The following PPFIBP2 variants were observed in gnomAD, a reference collection of about 807,000 sequenced individuals.
PPFIBP2 encodes the protein PPFIB scaffold protein 2.
In PPFIBP2, 118 loss-of-function variants were observed where a neutral mutation model predicts 118.3. The observed-to-expected ratio is 1.00, with a 90% CI of 0.86 to 1.16. PPFIBP2 has a LOEUF of 1.16. PPFIBP2 is among the 50% of genes most tolerant of loss of function. PPFIBP2 has a pLI of 0.00. For missense variants in PPFIBP2, 1,195 were observed against 1,073.1 expected, an observed-to-expected ratio of 1.11 and a Z score of -1.59; for synonymous variants, 414 against 397.4, an observed-to-expected ratio of 1.04 and a Z score of -0.50.
At chr11:7,584,894 G>A (rs4758201) in intron 3 of PPFIBP2, among the ~76,000 whole-genome samples, 14,681 of 152,204 alleles carry the variant, frequency 0.096, 927 homozygotes, top group East Asian at 0.17. Context: ...TGGTTCACTT[G>A]TAACTAGTTT....
At chr11:7,657,243 C>T (rs1425091324), downstream of PPFIBP2, 1 of 167,200 alleles carries the variant, frequency 6.0e-6, no homozygotes, top group African/African-American at 2.4e-5. Flanking sequence ...AAATGGTCAC[C>T]AGGAGGTCCC....
intron 17 of PPFIBP2, among the ~76,000 whole-genome samples, chr11:7,644,952 G>A (rs1045414333): frequency 4.5e-4 from 63 of 140,372 alleles, no homozygotes; most frequent in Non-Finnish European, 9.1e-5. Context: ...GCGTGAACCC[G>A]GGAGGCGGAG....
Position 7,651,675 on chromosome 11 carries a change from C to A in PPFIBP2, c.2267C>A (p.Thr756Asn). The change falls in exon 23 of 24, where the codon ACT becomes AAT. Residue 756 changes from threonine (T) to asparagine (N), a missense_variant. By Grantham distance (65) the Thr-to-Asn change is moderately conservative. Transcript: ENST00000299492. ...TCTTAGATCCTGGAGCCACGCTTCACTGGGGACACCCTGGCTATGCTTCTC... is the reference window on the plus strand; with the variant it reads ...TCTTAGATCCTGGAGCCACGCTTCAATGGGGACACCCTGGCTATGCTTCTC... Reference protein sequence around the residue: ...GGLIILEPRFTGDTLAMLLNI... With the variant: ...GGLIILEPRFNGDTLAMLLNI... 2.5e-6 allele frequency: 4 copies of A among 1,611,232 alleles called. No individual in the cohort carries two copies. The highest frequency in any genetic ancestry group is 3.4e-6 in the Non-Finnish European group (4 of 1,177,816).
At chr11:7,620,852 A>G in intron 6 of PPFIBP2, 83 bp from the exon 7 acceptor site, 5 of 941,976 alleles carry the variant, frequency 5.3e-6, no homozygotes, top group South Asian at 2.7e-5. Context: ...GCTGCACCCC[A>G]TATGCATGAG....
chr11:7,649,679 C>T, intron 21 of PPFIBP2, 25 bp downstream of exon 21: 1 of 1,613,646 alleles, frequency 6.2e-7, no homozygotes, highest in African/African-American at 1.3e-5. Flanking sequence ...AGTATCTCTC[C>T]AGGTAGCCCT....
chr11:7,626,482 A>T (rs540185878), intron 8 of PPFIBP2, among the ~76,000 whole-genome samples: 6 of 152,166 alleles, frequency 3.9e-5, no homozygotes, highest in African/African-American at 1.4e-4. Flanking sequence ...ATTATAACTT[A>T]CCAGTGTTGT....
At chr11:7,606,998 C>T (rs1847443586) in intron 5 of PPFIBP2, among the ~76,000 whole-genome samples, 1 of 138,674 alleles carries the variant, frequency 7.2e-6, no homozygotes, top group African/African-American at 2.7e-5. Context: ...GCAAGCTCTG[C>T]CTCCCAGGTT....
chr11:7,577,491 G>T (rs372270613), intron 3 of PPFIBP2: 4 of 447,372 alleles, frequency 8.9e-6, no homozygotes, highest in South Asian at 3.2e-5. Flanking sequence ...AGTTCTTGAG[G>T]GGGGAGGGGG....
At chr11:7,568,860 A>C (rs1196814460) in intron 3 of PPFIBP2, 1 of 152,274 alleles carries the variant, frequency 6.6e-6, no homozygotes, top group Non-Finnish European at 1.5e-5. Context: ...TAAGTGTAAA[A>C]GAAATAGACA....
chr11:7,560,655 T>C (rs10839810), intron 2 of PPFIBP2, among the ~76,000 whole-genome samples: 28,835 of 152,160 alleles, frequency 0.19, 2,801 homozygotes, highest in Non-Finnish European at 0.2. Context: ...TAGCTTAACT[T>C]TCTAGAATTG....
downstream of PPFIBP2, chr11:7,653,819 G>A (rs1455115148): frequency 8.4e-7 from 1 of 1,187,434 alleles, no homozygotes; most frequent in South Asian, 1.6e-5. Flanking sequence ...GCTGGAAATG[G>A]AGTCCTACGG....
intron 12 of PPFIBP2, among the ~76,000 whole-genome samples, chr11:7,634,031 C>G (rs149946623): frequency 6.6e-6 from 1 of 152,100 alleles, no homozygotes; most frequent in Non-Finnish European, 1.5e-5. Flanking sequence ...GTGGCAGGGT[C>G]CTAGCAAGTG....
intron 10 of PPFIBP2, 78 bp from the exon 11 acceptor site, chr11:7,630,847 T>C (rs1373149292): frequency 2.0e-6 from 2 of 1,000,624 alleles, no homozygotes; most frequent in Non-Finnish European, 3.2e-6. Flanking sequence ...GGAGAAACAA[T>C]GTTAGAATTT....
intron 6 of PPFIBP2, among the ~76,000 whole-genome samples, chr11:7,618,921 GC>G (rs1849020274): frequency 6.8e-6 from 1 of 146,090 alleles, no homozygotes; most frequent in Non-Finnish European, 1.5e-5. Flanking sequence ...TTTTTAACGG[GC>G]ATCAGCATAT....
intron 2 of PPFIBP2, among the ~76,000 whole-genome samples, chr11:7,564,370 A>G (rs560866700): frequency 1.2e-4 from 18 of 152,294 alleles, no homozygotes; most frequent in Admixed American, 5.2e-4. Context: ...TAAATGTAAT[A>G]TGGACTCTCT....
intron 2 of PPFIBP2, among the ~76,000 whole-genome samples, chr11:7,563,112 G>C (rs1854534613): frequency 6.6e-6 from 1 of 151,674 alleles, no homozygotes; most frequent in East Asian, 1.9e-4. Flanking sequence ...GAAAGGAAGA[G>C]ACTTTTCCAA....
chr11:7,606,054 G>A (rs1847303484), intron 5 of PPFIBP2: 1 of 1,525,834 alleles, frequency 6.6e-7, no homozygotes, highest in Non-Finnish European at 8.7e-7. Context: ...AAAGCCTGAA[G>A]GAAGTAGGTT....
chr11:7,533,932 G>C (rs1006985924), intron 1 of PPFIBP2, among the ~76,000 whole-genome samples: 1 of 152,224 alleles, frequency 6.6e-6, no homozygotes, highest in African/African-American at 2.4e-5. Context: ...CATGTCATGA[G>C]CTCCATGGAA....
At chr11:7,664,061 G>T in the PPFIBP2 span, among the ~76,000 whole-genome samples, 1 of 152,184 alleles carries the variant, frequency 6.6e-6, no homozygotes, top group Non-Finnish European at 1.5e-5. Context: ...ACTCCCTAGT[G>T]AGATGAACCC....
Sources: allele counts gnomAD v4.1 joint callset (sites outside exome capture counted in the v4.1 genomes callset), GRCh38; gene constraint gnomAD v4.1.1; transcripts MANE v1.5; gene names NCBI Gene and HGNC (gene_info 2026-07-23, HGNC 2026-07-21).